PDE5A: variants seen among roughly 807,000 people sequenced by gnomAD.
PDE5A encodes the protein cGMP-specific 3',5'-cyclic phosphodiesterase.
In PDE5A, 67 loss-of-function variants were observed where a neutral mutation model predicts 110.2. That is an observed-to-expected ratio of 0.61 (90% CI 0.50 to 0.75). PDE5A has a LOEUF of 0.75. Ranked by LOEUF, PDE5A falls within the 30% of genes least tolerant of loss-of-function variation. PDE5A has a pLI of 0.00. For missense variants in PDE5A, 862 were observed against 1,045.1 expected (o/e 0.82, Z 2.42); for synonymous variants, 328 against 351.2 (o/e 0.93, Z 0.74).
At chr4:119,524,168 T>A (rs1000499593) in intron 12 of PDE5A, among the ~76,000 whole-genome samples, 66 of 152,180 alleles carry the variant, frequency 4.3e-4, no homozygotes, top group African/African-American at 1.6e-3. Flanking sequence ...AAGACTCCCA[T>A]GGGGAGAATA....
In PDE5A at chr4:119,520,987, G is replaced by C. The variant is rs200867498; in HGVS notation, c.1853C>G (p.Ala618Gly). ...KNVAYHNWRH[A>G]FNTAQCMFAA... The stretch of plus-strand genomic sequence containing the variant: ...AAACATGCACTGAGCTGTATTAAAG[G>C]CATGTCTCCAATTATGATAGGCAAC... Residue 618 changes from alanine to glycine, a missense_variant, in exon 13 of 21, where the codon GCC (alanine) becomes GGC (glycine). Coordinates refer to ENST00000354960, the MANE Select transcript of PDE5A (RefSeq NM_001083.4). 1 of 1,612,958 alleles carries C rather than the reference G, an allele frequency of 6.2e-7. No individual in the cohort carries two copies. The highest frequency in any genetic ancestry group is 8.5e-7 in the Non-Finnish European group (1 of 1,179,170).
intron 3 of PDE5A, chr4:119,569,715 AG>A (rs1378305858): frequency 2.6e-5 from 4 of 152,616 alleles, no homozygotes; most frequent in African/African-American, 4.8e-5. Context: ...TGCTCAGAGC[AG>A]GGGGCTGAAG....
chr4:119,575,124 G>A (rs927508645), intron 3 of PDE5A, among the ~76,000 whole-genome samples: 2 of 152,154 alleles, frequency 1.3e-5, no homozygotes, highest in African/African-American at 4.8e-5. Flanking sequence ...AGTGAGAAGA[G>A]ACGTTTAGAG....
chr4:119,535,946 T>C (rs1230606163), intron 11 of PDE5A, among the ~76,000 whole-genome samples: 2 of 152,198 alleles, frequency 1.3e-5, no homozygotes, highest in African/African-American at 2.4e-5. Flanking sequence ...TGCTGGATGA[T>C]ACAAACACCT....
chr4:119,584,873 T>C (rs949607077), intron 3 of PDE5A, among the ~76,000 whole-genome samples: 4 of 152,186 alleles, frequency 2.6e-5, no homozygotes, highest in Admixed American at 1.3e-4. Flanking sequence ...CAGAAAGATA[T>C]AATAGAGACA....
chr4:119,538,444 C>G (rs1726805922), intron 11 of PDE5A, among the ~76,000 whole-genome samples: 1 of 152,126 alleles, frequency 6.6e-6, no homozygotes, highest in African/African-American at 2.4e-5. Flanking sequence ...AAACCAAGAC[C>G]TACAACATAC....
rs1275697690 is a variant in PDE5A at position 119,507,638 on chromosome 4, C to T, written c.2155G>A (p.Ala719Thr). Residue 719 changes from alanine (A) to threonine (T), a missense_variant, in exon 16 of 21, where the codon GCT becomes ACT. Coordinates refer to ENST00000354960, the MANE Select transcript of PDE5A (RefSeq NM_001083.4). Reference protein sequence around the residue: ...YKTTLKIIKQAILATDLALYI... With the variant: ...YKTTLKIIKQTILATDLALYI... ...AGTGCTAGGTCTGTAGCTAAAATAG[C>T]TTGCTTGATTATTTTCAACGTGGTC... is the stretch of plus-strand genomic sequence containing the variant. 1.9e-6 allele frequency: 3 copies of T among 1,580,986 alleles called. No individual in the cohort carries two copies. Among genetic ancestry groups the T allele is most frequent in the Non-Finnish European group, 2.6e-6 (3 of 1,168,336 alleles).
chr4:119,554,361 C>T (rs1727467134), intron 7 of PDE5A, among the ~76,000 whole-genome samples: 2 of 152,198 alleles, frequency 1.3e-5, no homozygotes, highest in South Asian at 2.1e-4. Flanking sequence ...TTATCTTCCT[C>T]AAGAAATTTT....
chr4:119,601,657 C>A (rs1578816330), intron 2 of PDE5A, among the ~76,000 whole-genome samples: 1 of 152,218 alleles, frequency 6.6e-6, no homozygotes, highest in African/African-American at 2.4e-5. Flanking sequence ...GCCTAGGGAT[C>A]CCACTTGCAG....
At chr4:119,542,046 T>C (rs563829494) in intron 10 of PDE5A, 44 of 155,626 alleles carry the variant, frequency 2.8e-4, no homozygotes, top group South Asian at 2.7e-3. Flanking sequence ...TAAGAGTGCC[T>C]AGGGTTTCTG....
At chr4:119,602,192 T>C (rs1344378179) in intron 2 of PDE5A, among the ~76,000 whole-genome samples, 1 of 152,182 alleles carries the variant, frequency 6.6e-6, no homozygotes, top group East Asian at 1.9e-4. Flanking sequence ...CAAGAGAATA[T>C]TCTTATTAGA....
chr4:119,619,513 T>C (rs1730069491), intron 1 of PDE5A, among the ~76,000 whole-genome samples: 1 of 152,148 alleles, frequency 6.6e-6, no homozygotes, highest in Non-Finnish European at 1.5e-5. Context: ...CCATTCCAGT[T>C]CCCTTTCCAG....
intron 3 of PDE5A, among the ~76,000 whole-genome samples, chr4:119,584,235 C>T (rs10434030): frequency 0.029 from 4,345 of 152,106 alleles, 88 homozygotes; most frequent in South Asian, 0.07. Context: ...CATCTGAAAG[C>T]GGGGATGGGG....
chr4:119,542,160 A>G (rs1560608105), intron 10 of PDE5A, among the ~76,000 whole-genome samples: 1 of 152,130 alleles, frequency 6.6e-6, no homozygotes, highest in Non-Finnish European at 1.5e-5. Flanking sequence ...GGCAGTAGTC[A>G]TCTGTGTCAA....
rs550819763 is a variant in PDE5A, at chr4:119,506,063, C to T, written c.2190-131G>A. ...ATTTTTTTTCCCATCTTAGAGCCCA[C>T]TATAAAATCATCATTTACAAATCTT... On this transcript the variant is annotated intron_variant, in intron 16 of 20. Transcript: ENST00000354960. The T allele has an allele frequency of 5.7e-4, 254 of 442,838 alleles. 1 individual carries two copies. The highest frequency in any genetic ancestry group is 4.4e-3 in the African/African-American group (214 of 48,588). 27.4% of individuals were successfully genotyped at this position (442,838 alleles called of 1,614,324 possible).
At chr4:119,585,683 T>C (rs767338418) in intron 3 of PDE5A, among the ~76,000 whole-genome samples, 2 of 152,254 alleles carry the variant, frequency 1.3e-5, no homozygotes, top group Non-Finnish European at 2.9e-5. Context: ...AATTCTCTGA[T>C]ACTACTCCTT....
rs1483302061 is a variant in PDE5A at position 119,599,742 on chromosome 4, CACACACAT to C, written c.742-3138_742-3131del. Among the ~76,000 whole-genome samples the C allele has an allele frequency of 1.5e-3, 227 of 151,558 alleles. 2 individuals are homozygous for C. Among genetic ancestry groups the C allele is most frequent in the African/African-American group, 5.2e-3 (213 of 41,280 alleles). On this transcript the variant is annotated intron_variant, in intron 2 of 20. Coordinates refer to ENST00000354960, the MANE Select transcript of PDE5A (RefSeq NM_001083.4). ...ACACACACACACACACACACACACA[CACACACAT>C]ACATATATTTGGAGTCCCAAAGATA...
In PDE5A at chr4:119,512,550, G is replaced by T. The variant is rs184468977; in HGVS notation, c.2001-1416C>A. 4.6e-5 allele frequency: 7 copies of T among 152,376 alleles called. No individual in the cohort carries two copies. The East Asian group carries it at 1.4e-3, about 29-fold the overall frequency. 9.4% of individuals were successfully genotyped at this position (152,376 alleles called of 1,614,324 possible). ...GTCAGAGAGAGCCTGGATTAGAGTGGTAGCAGCCCAAAGGAAGAGAAGCAG... is the reference window on the plus strand; with the variant it reads ...GTCAGAGAGAGCCTGGATTAGAGTGTTAGCAGCCCAAAGGAAGAGAAGCAG... On this transcript the variant is annotated intron_variant, in intron 14 of 20. Transcript: ENST00000354960.
intron 11 of PDE5A, chr4:119,527,235 T>C (rs1026334485): frequency 6.6e-6 from 1 of 152,178 alleles, no homozygotes; most frequent in Admixed American, 6.6e-5. Flanking sequence ...TTATCTACTG[T>C]AATTCCTAAT....
Sources: gnomAD v4.1 joint callset for allele counts (sites outside exome capture counted in the v4.1 genomes callset) on GRCh38, gnomAD v4.1.1 for gene constraint, MANE v1.5 for transcripts, NCBI Gene and HGNC (gene_info 2026-07-23, HGNC 2026-07-21) for gene names.